The following SLMAP variants were observed in gnomAD, a reference collection of about 807,000 sequenced individuals.
SLMAP encodes the protein sarcolemma associated protein.
In SLMAP, 44 loss-of-function variants were observed where a neutral mutation model predicts 128.8. That is an observed-to-expected ratio of 0.34 (90% CI 0.27 to 0.44). The LOEUF is 0.44. Among genes scored for constraint, SLMAP ranks in the 20% least tolerant of loss-of-function variants. The pLI, the probability that SLMAP is intolerant of heterozygous loss-of-function variation, is 1.00. For synonymous variants in SLMAP, 327 were observed against 348.8 expected (o/e 0.94, Z 0.70); for missense variants, 787 against 985.3 (o/e 0.80, Z 2.69).
At chr3:57,853,976 T>TTTAC (rs1249174679) in intron 6 of SLMAP, among the ~76,000 whole-genome samples, 3 of 102,464 alleles carry the variant, frequency 2.9e-5, no homozygotes, top group Non-Finnish European at 5.9e-5. Context: ...TATATATATA[T>TTTAC]ATATATATAT....
chr3:57,824,897 C>T (rs1467599835), intron 2 of SLMAP, among the ~76,000 whole-genome samples: 1 of 152,064 alleles, frequency 6.6e-6, no homozygotes, highest in Non-Finnish European at 1.5e-5. Context: ...ATGGGGACAT[C>T]TTTATATTTA....
chr3:57,766,000 CTT>C (rs769246826), intron 2 of SLMAP, among the ~76,000 whole-genome samples: 13 of 135,916 alleles, frequency 9.6e-5, no homozygotes, highest in Non-Finnish European at 1.3e-4. Flanking sequence ...GATTTTCTTT[CTT>C]TTTTTTTTTT....
At chr3:57,797,971 T>C (rs1560024207) in intron 2 of SLMAP, among the ~76,000 whole-genome samples, 1 of 152,210 alleles carries the variant, frequency 6.6e-6, no homozygotes, top group Non-Finnish European at 1.5e-5. Flanking sequence ...GAAATTTAGC[T>C]TCATTGTGCC....
intron 2 of SLMAP, among the ~76,000 whole-genome samples, chr3:57,782,453 A>G (rs1377736440): frequency 2.6e-5 from 4 of 152,100 alleles, no homozygotes; most frequent in African/African-American, 9.7e-5. Flanking sequence ...GGAAAAGCCA[A>G]TGTTTAGGTG....
intron 2 of SLMAP, among the ~76,000 whole-genome samples, chr3:57,769,214 A>C (rs1345460469): frequency 6.6e-6 from 1 of 151,198 alleles, no homozygotes; most frequent in African/African-American, 2.4e-5. Flanking sequence ...TTTTTTTGAG[A>C]TGGAGTCTTG....
In SLMAP at chr3:57,880,169, TTTTTGTTTTGTTTTG is replaced by T. The variant is rs74656522; in HGVS notation, c.1300+8504_1300+8518del. 3.5e-3 allele frequency among the ~76,000 whole-genome samples: 520 copies of T among 148,114 alleles called. 3 individuals carry two copies. The highest frequency in any genetic ancestry group is 0.012 in the African/African-American group (464 of 40,094). On this transcript the variant is annotated intron_variant, in intron 14 of 24. Transcript: ENST00000671191. ...GTTTTATGTTCCTTTTTGTATGTCA[TTTTTGTTTTGTTTTG>T]TTTTGTTTTGTTTTGTTTTGTTTTG...
intron 22 of SLMAP, among the ~76,000 whole-genome samples, chr3:57,919,375 C>G (rs923841817): frequency 1.3e-5 from 2 of 149,878 alleles, no homozygotes; most frequent in African/African-American, 4.9e-5. Flanking sequence ...GAGCAAAACT[C>G]CATCTCAGAA....
At chr3:57,783,805 C>G (rs1435359389) in intron 2 of SLMAP, among the ~76,000 whole-genome samples, 1 of 152,136 alleles carries the variant, frequency 6.6e-6, no homozygotes, top group Non-Finnish European at 1.5e-5. Context: ...GTGCAGACCT[C>G]TAGGAAGACA....
At chr3:57,906,305 T>TTTTCTTTTTTTTCTTTTC (rs1384737658) in intron 17 of SLMAP, among the ~76,000 whole-genome samples, 3 of 96,190 alleles carry the variant, frequency 3.1e-5, no homozygotes, top group African/African-American at 1.0e-4. Context: ...TTTTTCTTTT[T>TTTTCTTTTTTTTCTTTTC]TTTTCTTTTT....
intron 2 of SLMAP, among the ~76,000 whole-genome samples, chr3:57,811,958 A>G (rs1222311232): frequency 3.3e-5 from 5 of 152,104 alleles, no homozygotes; most frequent in Admixed American, 2.6e-4. Flanking sequence ...GGTGTTCTCT[A>G]TGTATTCTGG....
At chr3:57,838,240 A>G (rs919168750) in intron 3 of SLMAP, among the ~76,000 whole-genome samples, 1 of 152,222 alleles carries the variant, frequency 6.6e-6, no homozygotes, top group African/African-American at 2.4e-5. Flanking sequence ...TGTATTTATT[A>G]TAGGCTATTT....
intron 2 of SLMAP, among the ~76,000 whole-genome samples, chr3:57,777,879 G>A (rs1167936436): frequency 1.3e-5 from 2 of 152,296 alleles, no homozygotes; most frequent in South Asian, 4.1e-4. Context: ...TGATACCGTA[G>A]AGCAGTAGCA....
intron 14 of SLMAP, among the ~76,000 whole-genome samples, chr3:57,889,184 C>T (rs1372361527): frequency 6.6e-6 from 1 of 152,152 alleles, no homozygotes; most frequent in Non-Finnish European, 1.5e-5. Flanking sequence ...GCGCACGGCC[C>T]CTCTTTCTGA....
rs1178442549 is a variant in SLMAP, at chr3:57,929,921, T to C, written c.*2632T>C. On this transcript the variant is annotated 3_prime_UTR_variant, in exon 25 of 25. Transcript: ENST00000671191. ...TGAATACGTTTTTATGAGAATGTCA[T>C]ACTGAAAAAATATTGCAAATATTAA... is the stretch of plus-strand genomic sequence containing the variant. Among the ~76,000 whole-genome samples the C allele has an allele frequency of 6.6e-6, 1 of 152,230 alleles. No individual in the cohort carries two copies. The highest frequency in any genetic ancestry group is 1.5e-5 in the Non-Finnish European group (1 of 68,034).
rs552286666 is a variant in SLMAP, at chr3:57,808,647, A to G, written c.199-22736A>G. Among the ~76,000 whole-genome samples, 33 of 152,254 alleles carry G rather than the reference A, an allele frequency of 2.2e-4. No homozygotes were observed. The East Asian group carries it at 6.2e-3, about 28-fold the overall frequency. On this transcript the variant is annotated intron_variant, in intron 2 of 24. Transcript: ENST00000671191. ...TTTATTATGATTTTTGTTCTTTTGC[A>G]TTTGCTGAAGAGTGTTTTACTACCT...
chr3:57,845,675 C>T (rs952232580), intron 4 of SLMAP, among the ~76,000 whole-genome samples: 15 of 152,138 alleles, frequency 9.9e-5, no homozygotes, highest in Non-Finnish European at 2.1e-4. Context: ...CAGTATCTTA[C>T]AGGGATTTGT....
chr3:57,766,165 ATT>A lies in SLMAP; in HGVS notation c.198+8339_198+8340del, dbSNP rs869169620. Among the ~76,000 whole-genome samples, 197 of 85,678 alleles carry A rather than the reference ATT, an allele frequency of 2.3e-3. 2 individuals carry two copies. The highest frequency in any genetic ancestry group is 8.4e-3 in the African/African-American group (163 of 19,310). 56.2% of individuals were successfully genotyped at this position (85,678 alleles called of 152,430 possible). On this transcript the variant is annotated intron_variant, in intron 2 of 24. Coordinates refer to ENST00000671191, the MANE Select transcript of SLMAP (RefSeq NM_001377540.1). Reference sequence around the variant, plus strand: ...AGGCGCCTACCACCACACCCGGCTAATTTTTTTTTTTTTTTTTTTTTTTTGTA... The same window carrying A: ...AGGCGCCTACCACCACACCCGGCTAATTTTTTTTTTTTTTTTTTTTTTGTA...
chr3:57,844,876 G>T (rs772653065), intron 4 of SLMAP, among the ~76,000 whole-genome samples: 3 of 151,814 alleles, frequency 2.0e-5, no homozygotes, highest in Non-Finnish European at 4.4e-5. Flanking sequence ...CACTACACCC[G>T]GCTGGTTTTT....
chr3:57,893,774 A>G (rs775424749), intron 15 of SLMAP, among the ~76,000 whole-genome samples: 11 of 152,172 alleles, frequency 7.2e-5, no homozygotes, highest in Non-Finnish European at 1.3e-4. Flanking sequence ...TAACTTTGTG[A>G]TCGAAACTAG....
Sources: allele counts gnomAD v4.1 joint callset (sites outside exome capture counted in the v4.1 genomes callset), GRCh38; gene constraint gnomAD v4.1.1; transcripts MANE v1.5; gene names NCBI Gene and HGNC (gene_info 2026-07-23, HGNC 2026-07-21).